Variants in CACNB2 observed in about 807,000 individuals in gnomAD.
CACNB2 encodes the protein calcium voltage-gated channel auxiliary subunit beta 2, also known as voltage-dependent L-type calcium channel subunit beta-2.
Under a neutral mutation model 73.3 loss-of-function variants are expected in CACNB2, and 42 were observed. The ratio of observed to expected loss-of-function variants is 0.57; its 90% confidence interval spans 0.45 to 0.74. The LOEUF (loss-of-function observed/expected upper bound fraction) is 0.74, where lower values mean the gene tolerates loss of function less well. Among genes scored for constraint, CACNB2 ranks in the 30% least tolerant of loss-of-function variants. The pLI, the probability that CACNB2 is intolerant of heterozygous loss-of-function variation, is 0.00. For missense variants in CACNB2, 940 were observed against 853.0 expected (o/e 1.10, Z -1.27); for synonymous variants, 348 against 310.3 (o/e 1.12, Z -1.28).
chr10:18,415,479 A>C (rs1181958638), intron 3 of CACNB2, among the ~76,000 whole-genome samples: 1 of 151,218 alleles, frequency 6.6e-6, no homozygotes, highest in East Asian at 1.9e-4. Flanking sequence ...AAAAAAAAAA[A>C]ACAAAGAAAA....
chr10:18,362,735 G>C (rs924170803), intron 2 of CACNB2, among the ~76,000 whole-genome samples: 6 of 152,088 alleles, frequency 3.9e-5, no homozygotes, highest in African/African-American at 7.2e-5. Flanking sequence ...TGGCCAACAT[G>C]GTGAAAACCC....
intron 10 of CACNB2, among the ~76,000 whole-genome samples, chr10:18,529,167 G>A (rs993276103): frequency 6.6e-6 from 1 of 152,130 alleles, no homozygotes; most frequent in African/African-American, 2.4e-5. Context: ...AAATTAAACT[G>A]AATTAACAAA....
At chr10:18,197,243 T>G (rs2131294767) in intron 2 of CACNB2, among the ~76,000 whole-genome samples, 1 of 152,322 alleles carries the variant, frequency 6.6e-6, no homozygotes, top group South Asian at 2.1e-4. Flanking sequence ...CAGTAAATGC[T>G]TCCTGAATGA....
intron 3 of CACNB2, among the ~76,000 whole-genome samples, chr10:18,424,684 C>T (rs1315468167): frequency 6.6e-6 from 1 of 152,184 alleles, no homozygotes; most frequent in Non-Finnish European, 1.5e-5. Flanking sequence ...ACATGACATA[C>T]TGGTTAGTTT....
intron 2 of CACNB2, among the ~76,000 whole-genome samples, chr10:18,159,733 G>A (rs984869969): frequency 2.0e-5 from 3 of 152,184 alleles, no homozygotes; most frequent in African/African-American, 7.2e-5. Flanking sequence ...ATTAAACTGC[G>A]ATAATGATTA....
At chr10:18,377,107 C>T (rs538990034) in intron 2 of CACNB2, among the ~76,000 whole-genome samples, 2 of 152,310 alleles carry the variant, frequency 1.3e-5, no homozygotes, top group Admixed American at 1.3e-4. Flanking sequence ...CAACATATCT[C>T]ATGTACCACA....
intron 2 of CACNB2, chr10:18,401,232 G>C (rs1332945459): frequency 6.5e-6 from 7 of 1,082,928 alleles, no homozygotes; most frequent in Non-Finnish European, 8.2e-6. Flanking sequence ...GGGAAGCTAG[G>C]GAGATTCCTC....
rs568924505 is a variant in CACNB2, at chr10:18,494,645, A to G, written c.334-3710A>G. Among the ~76,000 whole-genome samples, 94 of 151,436 alleles carry G rather than the reference A, an allele frequency of 6.2e-4. 1 individual carries two copies. The highest frequency in any genetic ancestry group is 2.0e-3 in the African/African-American group (82 of 41,388). On this transcript the variant is annotated intron_variant, in intron 3 of 13. Coordinates refer to ENST00000324631, the MANE Select transcript of CACNB2 (RefSeq NM_201596.3). ...AGACTCCGTCTCAAAAAAAAAAAAA[A>G]AAAAGAAAAGAAAAGAAACATCTGA...
intron 2 of CACNB2, among the ~76,000 whole-genome samples, chr10:18,332,363 T>C (rs773633743): frequency 1.1e-4 from 17 of 151,988 alleles, no homozygotes; most frequent in Non-Finnish European, 5.9e-5. Context: ...TAGGGGAGCA[T>C]GTGGGTGCTG....
intron 2 of CACNB2, among the ~76,000 whole-genome samples, chr10:18,332,558 T>A (rs544625756): frequency 6.6e-6 from 1 of 152,164 alleles, no homozygotes. Flanking sequence ...ACAGAATAAG[T>A]ATTCTTTCAG....
intron 3 of CACNB2, among the ~76,000 whole-genome samples, chr10:18,445,820 C>T (rs762456465): frequency 2.0e-5 from 3 of 152,128 alleles, no homozygotes; most frequent in Admixed American, 1.3e-4. Flanking sequence ...GATCACATGA[C>T]GTCAGAAGTT....
At chr10:18,216,429 G>A (rs1465036972) in intron 2 of CACNB2, among the ~76,000 whole-genome samples, 1 of 152,124 alleles carries the variant, frequency 6.6e-6, no homozygotes, top group African/African-American at 2.4e-5. Flanking sequence ...AGCCCCTTTA[G>A]TCTTAAGCAA....
intron 2 of CACNB2, among the ~76,000 whole-genome samples, chr10:18,249,665 A>G (rs1410294299): frequency 6.6e-6 from 1 of 152,136 alleles, no homozygotes; most frequent in Non-Finnish European, 1.5e-5. Context: ...GAGATGCTCC[A>G]GGAATCAGTT....
intron 3 of CACNB2, among the ~76,000 whole-genome samples, chr10:18,404,792 C>T (rs1408805577): frequency 6.6e-6 from 1 of 152,140 alleles, no homozygotes. Context: ...ATTTAAGTGA[C>T]CTACAAAAGG....
chr10:18,543,323 A>T lies in CACNB2; in HGVS notation c.*3599A>T, dbSNP rs1294947877. 6.6e-6 allele frequency: 1 copy of T among 152,176 alleles called. No individual in the cohort carries two copies. Among genetic ancestry groups the T allele is most frequent in the Non-Finnish European group, 1.5e-5 (1 of 68,014 alleles). The allele number at this position is 152,176 out of a possible 1,614,324, so 9.4% of individuals were successfully genotyped here. A position where few individuals can be genotyped will look rare whatever the true frequency, so the allele number is the denominator to read the frequency against. ...AAAAAAAAGATACCTCCACGTAGAT[A>T]AAATATTTTATTCAACGTGAGCTCT... On this transcript the variant is annotated 3_prime_UTR_variant, in exon 14 of 14. Transcript: ENST00000324631.
At chr10:18,379,742 A>G (rs916570241) in intron 2 of CACNB2, among the ~76,000 whole-genome samples, 3 of 152,204 alleles carry the variant, frequency 2.0e-5, no homozygotes, top group Non-Finnish European at 2.9e-5. Context: ...CTTGGAGTGC[A>G]GTGATGCGAT....
At chr10:18,426,299 A>G (rs957484122) in intron 3 of CACNB2, among the ~76,000 whole-genome samples, 3 of 152,182 alleles carry the variant, frequency 2.0e-5, no homozygotes, top group African/African-American at 7.2e-5. Flanking sequence ...AATATTTTCG[A>G]TAAAGGTCAT....
intron 3 of CACNB2, among the ~76,000 whole-genome samples, chr10:18,415,535 A>G (rs1294052787): frequency 2.0e-5 from 3 of 152,104 alleles, no homozygotes; most frequent in Non-Finnish European, 4.4e-5. Flanking sequence ...GTGGACCCCA[A>G]CACTGCTGGA....
chr10:18,442,994 ATATGTG>A (rs1198264847), intron 3 of CACNB2, among the ~76,000 whole-genome samples: 1 of 17,114 alleles, frequency 5.8e-5, no homozygotes, highest in Admixed American at 6.0e-4. Flanking sequence ...ATGTATATAT[ATATGTG>A]TATATATATA....
Sources: gnomAD v4.1 joint callset for allele counts (sites outside exome capture counted in the v4.1 genomes callset) on GRCh38, gnomAD v4.1.1 for gene constraint, MANE v1.5 for transcripts, NCBI Gene and HGNC (gene_info 2026-07-23, HGNC 2026-07-21) for gene names.